The following KHDRBS2 variants were observed in gnomAD, a reference collection of about 807,000 sequenced individuals.
KHDRBS2 encodes KH RNA binding domain containing, signal transduction associated 2.
In KHDRBS2, 26 loss-of-function variants were observed where a neutral mutation model predicts 44.3. The observed-to-expected ratio is 0.59, with a 90% CI of 0.43 to 0.81. KHDRBS2 has a LOEUF of 0.81. Ranked by LOEUF, KHDRBS2 falls within the 40% of genes least tolerant of loss-of-function variation. The pLI is 0.00. For synonymous variants in KHDRBS2, 194 were observed against 151.1 expected (o/e 1.28, Z -2.08); for missense variants, 476 against 433.1 (o/e 1.10, Z -0.88).
At position 61,945,108 on chromosome 6, in the gene KHDRBS2, AAAAAGTATATAT is replaced by A. The variant is rs1812986612; in HGVS notation, c.483+32946_483+32957del. On this transcript the variant is annotated intron_variant, in intron 4 of 8. Coordinates refer to ENST00000281156, the MANE Select transcript of KHDRBS2 (RefSeq NM_152688.4). ...TCTGTCTTAAAAAAAAAAAAAAAAA[AAAAAGTATATAT>A]ATATATATATATATATATATATATA... Among the ~76,000 whole-genome samples the A allele has an allele frequency of 2.4e-4, 13 of 54,988 alleles. 2 individuals carry two copies. In the South Asian group the frequency reaches 4.0e-3, roughly 17 times the overall value. The allele number at this position is 54,988 out of a possible 152,430, so 36.1% of individuals were successfully genotyped here.
At chr6:62,125,827 T>C (rs1584851998) in intron 2 of KHDRBS2, among the ~76,000 whole-genome samples, 1 of 152,094 alleles carries the variant, frequency 6.6e-6, no homozygotes, top group African/African-American at 2.4e-5. Flanking sequence ...TGATCCTAAA[T>C]AAGCAGCACG....
At chr6:61,690,461 A>G (rs1767271669) in intron 8 of KHDRBS2, among the ~76,000 whole-genome samples, 1 of 151,950 alleles carries the variant, frequency 6.6e-6, no homozygotes, top group African/African-American at 2.4e-5. Flanking sequence ...AATAAAAAAC[A>G]CCTTTCCTAT....
intron 2 of KHDRBS2, among the ~76,000 whole-genome samples, chr6:62,096,300 T>C (rs780761266): frequency 2.0e-5 from 3 of 152,024 alleles, no homozygotes; most frequent in Non-Finnish European, 4.4e-5. Flanking sequence ...GAATAATTGA[T>C]ACCAGTTCTT....
chr6:61,955,331 T>C (rs1407108671), intron 4 of KHDRBS2, among the ~76,000 whole-genome samples: 7 of 147,202 alleles, frequency 4.8e-5, no homozygotes, highest in East Asian at 2.0e-4. Context: ...CGTGTATATA[T>C]ACACATATGT....
intron 6 of KHDRBS2, among the ~76,000 whole-genome samples, chr6:61,737,681 A>G (rs1314976646): frequency 6.6e-6 from 1 of 152,050 alleles, no homozygotes; most frequent in Non-Finnish European, 1.5e-5. Context: ...CAGCTAGGGT[A>G]GGGAGAGACA....
intron 6 of KHDRBS2, among the ~76,000 whole-genome samples, chr6:61,858,400 GTTT>G (rs1338704793): frequency 1.3e-5 from 2 of 151,456 alleles, no homozygotes; most frequent in South Asian, 4.1e-4. Flanking sequence ...TCTGGCATAA[GTTT>G]TTTTATTTCT....
At chr6:62,149,885 TTAAAA>T in intron 2 of KHDRBS2, among the ~76,000 whole-genome samples, 1 of 152,176 alleles carries the variant, frequency 6.6e-6, no homozygotes, top group Non-Finnish European at 1.5e-5. Flanking sequence ...TCTTTTACAT[TTAAAA>T]TGTATTAGCA....
chr6:61,660,481 C>T, the KHDRBS2 span, among the ~76,000 whole-genome samples: 1 of 151,624 alleles, frequency 6.6e-6, no homozygotes. Flanking sequence ...ACACAATTTC[C>T]TATCTCATTA....
chr6:61,764,147 T>C (rs1279642912), intron 6 of KHDRBS2, among the ~76,000 whole-genome samples: 1 of 152,208 alleles, frequency 6.6e-6, no homozygotes, highest in African/African-American at 2.4e-5. Context: ...TCCATGTCCC[T>C]GCAAAAACAT....
At chr6:61,550,545 T>G in the KHDRBS2 span, among the ~76,000 whole-genome samples, 1 of 151,980 alleles carries the variant, frequency 6.6e-6, no homozygotes, top group African/African-American at 2.4e-5. Context: ...TTTGCTGAGG[T>G]TGGGGGATGG....
rs1244188543 is a variant in KHDRBS2 at position 61,954,736 on chromosome 6, A to G, written c.483+23330T>C. On this transcript the variant is annotated intron_variant, in intron 4 of 8. Transcript: ENST00000281156. Reference sequence around the variant, plus strand: ...CACATGCATACTTATGTATACATACATATGTGTATATACACATGCATATGT... The same window carrying G: ...CACATGCATACTTATGTATACATACGTATGTGTATATACACATGCATATGT... Among the ~76,000 whole-genome samples, 258 of 110,454 alleles carry G rather than the reference A, an allele frequency of 2.3e-3. 60 individuals are homozygous for G. The highest frequency in any genetic ancestry group is 4.7e-3 in the Admixed American group (52 of 11,044). 72.5% of individuals were successfully genotyped at this position (110,454 alleles called of 152,430 possible).
At chr6:61,563,226 T>C in the KHDRBS2 span, among the ~76,000 whole-genome samples, 2 of 152,154 alleles carry the variant, frequency 1.3e-5, no homozygotes, top group African/African-American at 4.8e-5. Flanking sequence ...GTCTTAAAAA[T>C]ATCACGTTCT....
intron 5 of KHDRBS2, among the ~76,000 whole-genome samples, chr6:61,896,253 G>A (rs1802915325): frequency 6.6e-6 from 1 of 152,086 alleles, no homozygotes; most frequent in Non-Finnish European, 1.5e-5. Context: ...GTTCAGTTTA[G>A]CATTTTAACA....
chr6:62,122,815 A>T (rs1460045201), intron 2 of KHDRBS2, among the ~76,000 whole-genome samples: 11 of 134,998 alleles, frequency 8.1e-5, no homozygotes, highest in Non-Finnish European at 1.6e-5. Context: ...CATAAACATC[A>T]TCAGAGTACT....
chr6:61,906,237 T>A, intron 4 of KHDRBS2, among the ~76,000 whole-genome samples: 1 of 152,196 alleles, frequency 6.6e-6, no homozygotes. Context: ...TAATTTTTGC[T>A]ATTAAAATTT....
At chr6:61,871,871 CT>C (rs1798705367) in intron 6 of KHDRBS2, among the ~76,000 whole-genome samples, 1 of 145,592 alleles carries the variant, frequency 6.9e-6, no homozygotes, top group Non-Finnish European at 1.5e-5. Context: ...CATGTTCTCA[CT>C]CATAATTGGG....
At chr6:61,550,277 T>A in the KHDRBS2 span, among the ~76,000 whole-genome samples, 190 of 152,274 alleles carry the variant, frequency 1.2e-3, no homozygotes, top group African/African-American at 4.4e-3. Flanking sequence ...AGTTCCCACT[T>A]AGTAGTGAGA....
chr6:61,838,157 T>C (rs1404617602), intron 6 of KHDRBS2, among the ~76,000 whole-genome samples: 16 of 152,084 alleles, frequency 1.1e-4, no homozygotes, highest in Non-Finnish European at 7.4e-5. Flanking sequence ...GCAGTGTTTA[T>C]ATGGAATACT....
intron 6 of KHDRBS2, among the ~76,000 whole-genome samples, chr6:61,736,215 C>CACACACAT (rs1160452369): frequency 6.8e-6 from 1 of 147,858 alleles, no homozygotes; most frequent in Non-Finnish European, 1.5e-5. Flanking sequence ...CTTTACTTCA[C>CACACACAT]ACACACACAC....
Sources: allele counts gnomAD v4.1 joint callset (sites outside exome capture counted in the v4.1 genomes callset), GRCh38; gene constraint gnomAD v4.1.1; transcripts MANE v1.5; gene names NCBI Gene and HGNC (gene_info 2026-07-23, HGNC 2026-07-21).